The following ESR2 variants were observed in gnomAD, a reference collection of about 807,000 sequenced individuals.
The protein encoded by ESR2 is estrogen receptor 2.
A neutral mutation model predicts 49.6 loss-of-function variants in ESR2; 36 were observed. That is an observed-to-expected ratio of 0.73 (90% confidence interval 0.56 to 0.96). ESR2 has a LOEUF of 0.96. Ranked by LOEUF, ESR2 falls within the 40% of genes least tolerant of loss-of-function variation. The probability of loss-of-function intolerance (pLI) is 0.00; values close to 1 mark genes in which losing one functional copy is unlikely to be tolerated. For synonymous variants in ESR2, 320 were observed against 266.1 expected (o/e 1.20, Z -1.97); for missense variants, 714 against 693.0 (o/e 1.03, Z -0.34).
chr14:64,322,704 C>T (rs548854803), intron 1 of ESR2, among the ~76,000 whole-genome samples: 2 of 152,214 alleles, frequency 1.3e-5, no homozygotes, highest in African/African-American at 4.8e-5. Flanking sequence ...CTGCTTCTAT[C>T]CTTTTGCAAA....
chr14:64,228,328 A>AAAAT lies in ESR2; in HGVS notation c.*4805_*4808dup, dbSNP rs1315066115. ...CCCCAACAAATACATTTTTAAAGCCAAAATAATGAAACACTTTATTTATAT... is the reference window on the plus strand; with the variant it reads ...CCCCAACAAATACATTTTTAAAGCCAAAATAAATAATGAAACACTTTATTTATAT... On this transcript the variant is annotated 3_prime_UTR_variant, in exon 9 of 9. Transcript: ENST00000341099. 2.0e-5 allele frequency among the ~76,000 whole-genome samples: 3 copies of AAAAT among 152,242 alleles called. No homozygotes were observed. The highest frequency in any genetic ancestry group is 1.3e-4 in the Admixed American group (2 of 15,286).
At chr14:64,286,178 T>C (rs1483633473) in intron 1 of ESR2, among the ~76,000 whole-genome samples, 1 of 152,006 alleles carries the variant, frequency 6.6e-6, no homozygotes, top group Non-Finnish European at 1.5e-5. Context: ...ACATTGTAAA[T>C]CAAAAATTTG....
chr14:64,302,217 C>T (rs1412910874), intron 1 of ESR2, among the ~76,000 whole-genome samples: 1 of 143,680 alleles, frequency 7.0e-6, no homozygotes, highest in Non-Finnish European at 1.5e-5. Context: ...GAGACAGTCT[C>T]GCTCTGTCGC....
chr14:64,315,567 C>G (rs578201473), intron 1 of ESR2, among the ~76,000 whole-genome samples: 5 of 151,874 alleles, frequency 3.3e-5, no homozygotes, highest in African/African-American at 1.2e-4. Context: ...CTCTGCCTCC[C>G]AGGTTCAAGC....
intron 3 of ESR2, among the ~76,000 whole-genome samples, chr14:64,276,746 GAAT>G (rs1410459965): frequency 1.3e-5 from 2 of 152,160 alleles, no homozygotes; most frequent in African/African-American, 4.8e-5. Flanking sequence ...TCATAAGATA[GAAT>G]ATTACACAGT....
chr14:64,287,322 T>C (rs899601514), intron 1 of ESR2, among the ~76,000 whole-genome samples: 2 of 152,100 alleles, frequency 1.3e-5, no homozygotes, highest in African/African-American at 4.8e-5. Flanking sequence ...AAATGACAAA[T>C]GCCAGGATAC....
chr14:64,296,954 C>T (rs1459231466), upstream of ESR2, among the ~76,000 whole-genome samples: 2 of 152,116 alleles, frequency 1.3e-5, no homozygotes, highest in African/African-American at 4.8e-5. Flanking sequence ...CCAATTCTAC[C>T]TGAATTGTGA....
At chr14:64,255,333 A>C (rs2076077555) in intron 6 of ESR2, among the ~76,000 whole-genome samples, 1 of 151,032 alleles carries the variant, frequency 6.6e-6, no homozygotes, top group Non-Finnish European at 1.5e-5. Context: ...CAAGCAGAAT[A>C]CAATGAATGA....
Position 64,260,659 on chromosome 14 carries a change from T to C in ESR2, c.742A>G (p.Ser248Gly). 3.1e-6 allele frequency: 5 copies of C among 1,606,990 alleles called. No individual in the cohort carries two copies. Among genetic ancestry groups the C allele is most frequent in the Non-Finnish European group, 4.3e-6 (5 of 1,176,186 alleles). ...CGCACTCGGGGCGCGTGGCCGCCAC[T>C]TCTCTTGGCCTTGCCGGCACAGTGC... ...QLHCAGKAKR[S>G]GGHAPRVREL... Residue 248 changes from serine to glycine, a missense_variant, in exon 5 of 9, where the codon AGT becomes GGT. Ser to Gly is a moderately conservative substitution (Grantham distance 56, BLOSUM62 0). Coordinates refer to ENST00000341099, the MANE Select transcript of ESR2 (RefSeq NM_001437.3).
chr14:64,234,228 T>C (rs1243636292), intron 8 of ESR2: 1 of 152,338 alleles, frequency 6.6e-6, no homozygotes, highest in Non-Finnish European at 1.5e-5. Flanking sequence ...CTTAAGATTC[T>C]CGAGGTGTAT....
chr14:64,236,781 T>TC (rs2075610810), intron 7 of ESR2, among the ~76,000 whole-genome samples: 1 of 151,966 alleles, frequency 6.6e-6, no homozygotes, highest in Non-Finnish European at 1.5e-5. Context: ...CTCCCTACCA[T>TC]CCCACCCTAA....
intron 1 of ESR2, among the ~76,000 whole-genome samples, chr14:64,293,732 A>G (rs1431743646): frequency 2.0e-5 from 3 of 152,182 alleles, no homozygotes; most frequent in Non-Finnish European, 2.9e-5. Flanking sequence ...TTGTCATTTC[A>G]CCCATAGTGG....
intron 6 of ESR2, 150 bp downstream of exon 6, chr14:64,257,076 G>T: frequency 1.4e-6 from 1 of 720,028 alleles, no homozygotes; most frequent in Non-Finnish European, 2.4e-6. Flanking sequence ...CTCCTTCTCT[G>T]GTTCTTGACC....
At chr14:64,261,820 T>C (rs72722305) in intron 4 of ESR2, among the ~76,000 whole-genome samples, 10,552 of 152,106 alleles carry the variant, frequency 0.069, 416 homozygotes, top group Non-Finnish European at 0.083. Context: ...GATGCAATCA[T>C]AGCTCACTGC....
downstream of ESR2, chr14:64,227,271 C>A: frequency 2.0e-6 from 1 of 496,902 alleles, no homozygotes; most frequent in Non-Finnish European, 3.6e-6. Context: ...ATTGGTGCCC[C>A]TCATGGGTGA....
At chr14:64,250,896 A>G (rs1444886724) in intron 6 of ESR2, among the ~76,000 whole-genome samples, 1 of 152,178 alleles carries the variant, frequency 6.6e-6, no homozygotes, top group Non-Finnish European at 1.5e-5. Flanking sequence ...ACAGAGCTAC[A>G]AGCATGCAAA....
chr14:64,286,595 C>G (rs1428322607), intron 1 of ESR2, among the ~76,000 whole-genome samples: 1 of 152,012 alleles, frequency 6.6e-6, no homozygotes, highest in Non-Finnish European at 1.5e-5. Flanking sequence ...AGCCACCAGC[C>G]AGAATTTTGT....
At chr14:64,257,456 AG>A in intron 5 of ESR2, 92 bp from the exon 6 acceptor site, 1 of 1,470,768 alleles carries the variant, frequency 6.8e-7, no homozygotes, top group Admixed American at 2.1e-5. Flanking sequence ...TAAAACACTA[AG>A]AAAACACAAA....
At chr14:64,296,808 T>C (rs532656742), upstream of ESR2, among the ~76,000 whole-genome samples, 1 of 152,302 alleles carries the variant, frequency 6.6e-6, no homozygotes, top group Admixed American at 6.5e-5. Flanking sequence ...GAAACCTCAC[T>C]GCAGGAAATA....
Sources: allele counts gnomAD v4.1 joint callset (sites outside exome capture counted in the v4.1 genomes callset), GRCh38; gene constraint gnomAD v4.1.1; transcripts MANE v1.5; gene names NCBI Gene and HGNC (gene_info 2026-07-23, HGNC 2026-07-21).